Variants in IVD observed in about 807,000 individuals in gnomAD.
The protein encoded by IVD is isovaleryl-CoA dehydrogenase, mitochondrial.
Under a neutral mutation model 51.3 loss-of-function variants are expected in IVD, and 31 were observed. That is an observed-to-expected ratio of 0.60 (90% CI 0.45 to 0.81). The LOEUF is 0.81. Ranked by LOEUF, IVD falls within the 40% of genes least tolerant of loss-of-function variation. The probability of loss-of-function intolerance (pLI) is 0.00; values close to 1 mark genes in which losing one functional copy is unlikely to be tolerated. For synonymous variants in IVD, 205 were observed against 219.4 expected (o/e 0.93, Z 0.58); for missense variants, 475 against 552.0 (o/e 0.86, Z 1.40).
chr15:40,408,830 A>G (rs1427861097), intron 3 of IVD, among the ~76,000 whole-genome samples: 3 of 152,104 alleles, frequency 2.0e-5, no homozygotes, highest in Non-Finnish European at 4.4e-5. Context: ...CATCCCTGTA[A>G]TCCCAGCTAC....
At position 40,418,763 on chromosome 15, in the gene IVD, T is replaced by G. The variant is rs1026271909; in HGVS notation, c.*500T>G. On this transcript the variant is annotated 3_prime_UTR_variant, in exon 12 of 12. Transcript: ENST00000487418. ...GTTAAGTATCCCTAATCCTGAAATC[T>G]GAAACACTTGTGGTTCCAAGCATTT... is the stretch of plus-strand genomic sequence containing the variant. 8 of 1,093,782 alleles carry G rather than the reference T, an allele frequency of 7.3e-6. No individual in the cohort carries two copies. The Admixed American group carries it at 1.4e-4, about 20-fold the overall frequency. The allele number at this position is 1,093,782 out of a possible 1,614,324, so 67.8% of individuals were successfully genotyped here.
At chr15:40,411,510 A>T in intron 5 of IVD, 45 bp from the exon 6 acceptor site, 1 of 1,613,260 alleles carries the variant, frequency 6.2e-7, no homozygotes, top group East Asian at 2.2e-5. Context: ...CCTGGCTGAG[A>T]CAGGCCAAGA....
intron 5 of IVD, 43 bp from the exon 6 acceptor site, chr15:40,411,512 A>C: frequency 6.2e-7 from 1 of 1,614,036 alleles, no homozygotes; most frequent in East Asian, 2.2e-5. Flanking sequence ...TGGCTGAGAC[A>C]GGCCAAGATG....
chr15:40,417,229 C>T (rs1478874976), intron 11 of IVD, among the ~76,000 whole-genome samples: 6 of 144,430 alleles, frequency 4.2e-5, no homozygotes, highest in Non-Finnish European at 4.5e-5. Context: ...AAAAAAAGGC[C>T]GGGCACGGTG....
chr15:40,435,701 C>T, downstream of IVD: 2 of 1,020,090 alleles, frequency 2.0e-6, no homozygotes, highest in Non-Finnish European at 2.4e-6. Context: ...TCTGCTGCCT[C>T]ACCCCTATAC....
rs1566944412 is a variant in IVD at position 40,419,133 on chromosome 15, C to G, written c.*870C>G. 7.8e-7 allele frequency: 1 copy of G among 1,288,806 alleles called. No individual in the cohort carries two copies. Among genetic ancestry groups the G allele is most frequent in the Non-Finnish European group, 1.0e-6 (1 of 988,538 alleles). 79.8% of individuals were successfully genotyped at this position (1,288,806 alleles called of 1,614,324 possible). A position where few individuals can be genotyped will look rare whatever the true frequency, so the allele number is the denominator to read the frequency against. On this transcript the variant is annotated 3_prime_UTR_variant, in exon 12 of 12. Transcript: ENST00000487418. ...CCTGGGCGACAAGAGCAAAACTCTT[C>G]AAAAAACAAAACAAAACAAAAAAAC...
In IVD at chr15:40,405,869, C is replaced by G. The variant is rs1890340943; in HGVS notation, c.42C>G (p.Ser14Arg). Residue 14 changes from serine to arginine, a missense_variant, in exon 1 of 12, where the codon AGC (serine) becomes AGG (arginine). Physicochemically the swap from Ser to Arg is moderately radical, Grantham distance 110. Transcript: ENST00000487418. ...GGCTGCTGGGGTGGCGTGTGGCGAGCTGGAGGCTGCGGCCGCCGCTTGCCG... is the reference window on the plus strand; with the variant it reads ...GGCTGCTGGGGTGGCGTGTGGCGAGGTGGAGGCTGCGGCCGCCGCTTGCCG... ...ATRLLGWRVA[S>R]WRLRPPLAGF... The G allele has an allele frequency of 1.2e-6, 2 of 1,612,848 alleles. No individual in the cohort carries two copies. Among genetic ancestry groups the G allele is most frequent in the Non-Finnish European group, 8.5e-7 (1 of 1,179,732 alleles).
In IVD at chr15:40,411,373, G is replaced by C; in HGVS notation, c.550+20G>C. 1 of 1,613,328 alleles carries C rather than the reference G, an allele frequency of 6.2e-7. No individual in the cohort carries two copies. The highest frequency in any genetic ancestry group is 1.7e-5 in the Admixed American group (1 of 60,016). ...AGAAAGGTGAGGCCACTCTCAACTT[G>C]GGAGCCAAAATGGGCAGAGGTACAG... On this transcript the variant is annotated intron_variant, in intron 5 of 11. Transcript: ENST00000487418.
intron 11 of IVD, among the ~76,000 whole-genome samples, chr15:40,417,694 A>G (rs536536047): frequency 9.2e-5 from 14 of 152,270 alleles, no homozygotes; most frequent in South Asian, 2.1e-4. Context: ...AGGGTATCCA[A>G]TCAGCTGTCC....
At chr15:40,409,843 T>C (rs1890858959) in intron 3 of IVD, among the ~76,000 whole-genome samples, 1 of 150,086 alleles carries the variant, frequency 6.7e-6, no homozygotes, top group African/African-American at 2.4e-5. Context: ...TTCTTTTTTT[T>C]TTTTTTTTTT....
chr15:40,434,426 G>A (rs1402302344), intron 8 of IVD, among the ~76,000 whole-genome samples: 1 of 152,238 alleles, frequency 6.6e-6, no homozygotes, highest in Non-Finnish European at 1.5e-5. Flanking sequence ...GCCAGGTTAT[G>A]AGAGACCTAG....
chr15:40,417,533 T>C (rs1021693800), intron 11 of IVD, among the ~76,000 whole-genome samples: 5 of 149,462 alleles, frequency 3.3e-5, no homozygotes, highest in Admixed American at 3.3e-4. Flanking sequence ...TAAATGGAAA[T>C]TTCTAGAAAT....
rs551911271 is a variant in IVD at position 40,411,560 on chromosome 15, C to G, written c.556C>G (p.His186Asp). 8 of 1,614,096 alleles carry G rather than the reference C, an allele frequency of 5.0e-6. No individual in the cohort carries two copies. In the Middle Eastern group the frequency reaches 4.9e-4, roughly 99 times the overall value. Reference sequence around the variant, plus strand: ...AGCCAACATCCTGCCCTTAGGAAATCACTACATCCTGAATGGCAACAAGTT... The same window carrying G: ...AGCCAACATCCTGCCCTTAGGAAATGACTACATCCTGAATGGCAACAAGTT... ...MKLKAEKKGN[H>D]YILNGNKFWI... The change falls in exon 6 of 12, where the codon CAC becomes GAC. Residue 186 changes from histidine (H) to aspartate (D), a missense_variant. Coordinates refer to ENST00000487418, the MANE Select transcript of IVD (RefSeq NM_002225.5).
At chr15:40,408,806 T>C (rs1890742963) in intron 3 of IVD, among the ~76,000 whole-genome samples, 1 of 152,008 alleles carries the variant, frequency 6.6e-6, no homozygotes, top group African/African-American at 2.4e-5. Flanking sequence ...CAAAATTAGC[T>C]GGTCATGGTG....
At chr15:40,416,935 C>G (rs1202018314) in intron 11 of IVD, among the ~76,000 whole-genome samples, 1 of 152,150 alleles carries the variant, frequency 6.6e-6, no homozygotes. Flanking sequence ...CACAGTGGCT[C>G]ACACCTGTAA....
At chr15:40,425,439 A>AATATATATATATATATATATATAT (rs1566949596), downstream of IVD, among the ~76,000 whole-genome samples, 20 of 73,486 alleles carry the variant, frequency 2.7e-4, 2 homozygotes, top group African/African-American at 7.7e-4. Context: ...CTGGACTCAT[A>AATATATATATATATATATATATAT]CTATATATAT....
intron 1 of IVD, among the ~76,000 whole-genome samples, chr15:40,406,733 G>A (rs776635292): frequency 2.0e-5 from 3 of 152,218 alleles, no homozygotes; most frequent in Admixed American, 1.3e-4. Flanking sequence ...GGAGGTATGA[G>A]CCTCCCAGCA....
chr15:40,420,618 G>A lies in IVD; in HGVS notation c.*2355G>A, dbSNP rs181729371. The A allele has an allele frequency of 1.1e-5, 11 of 987,524 alleles. No homozygotes were observed. The South Asian group carries it at 3.3e-4, about 29-fold the overall frequency. 61.2% of individuals were successfully genotyped at this position (987,524 alleles called of 1,614,324 possible). ...GAGAGGTCTCAGCCTCCCTTTCCCA[G>A]ATCTCCCAGTGAGTTTTAAAGGAAG... is the stretch of plus-strand genomic sequence containing the variant. On this transcript the variant is annotated 3_prime_UTR_variant, in exon 12 of 12. Coordinates refer to ENST00000487418, the MANE Select transcript of IVD (RefSeq NM_002225.5).
downstream of IVD, chr15:40,435,823 C>A: frequency 1.7e-6 from 1 of 588,298 alleles, no homozygotes; most frequent in Non-Finnish European, 2.1e-6. Flanking sequence ...GCTCCGCTCT[C>A]GGCTTAGCCC....
Sources: allele counts gnomAD v4.1 joint callset (sites outside exome capture counted in the v4.1 genomes callset), GRCh38; gene constraint gnomAD v4.1.1; transcripts MANE v1.5; gene names NCBI Gene and HGNC (gene_info 2026-07-23, HGNC 2026-07-21).